ATP1B3: variants seen among roughly 807,000 people sequenced by gnomAD.
The protein encoded by ATP1B3 is ATPase Na+/K+ transporting subunit beta 3, also known as sodium/potassium-transporting ATPase subunit beta-3.
ATP1B3 carries 10 observed loss-of-function variants against 30.2 expected under a neutral mutation model. The ratio of observed to expected loss-of-function variants is 0.33; its 90% CI spans 0.20 to 0.56. ATP1B3 has a LOEUF of 0.56. ATP1B3 is among the 20% of genes least tolerant of loss of function. ATP1B3 has a pLI of 0.90. For missense variants in ATP1B3, 238 were observed against 336.7 expected, an observed-to-expected ratio of 0.71 and a Z score of 2.29; for synonymous variants, 113 against 117.0, an observed-to-expected ratio of 0.97 and a Z score of 0.22.
At chr3:141,877,349 G>T (rs897534985) in intron 1 of ATP1B3, among the ~76,000 whole-genome samples, 2 of 152,042 alleles carry the variant, frequency 1.3e-5, no homozygotes, top group Non-Finnish European at 2.9e-5. Context: ...GTTCGGAGAA[G>T]CCAGACCCTG....
Position 141,889,747 on chromosome 3 carries a change from A to AT in ATP1B3, c.109+12837_109+12838insT, listed in dbSNP as rs1273440885. 2.1e-3 allele frequency among the ~76,000 whole-genome samples: 168 copies of AT among 78,468 alleles called. 9 individuals carry two copies. Among genetic ancestry groups the AT allele is most frequent in the African/African-American group, 6.5e-3 (112 of 17,338 alleles). The allele number at this position is 78,468 out of a possible 152,430, so 51.5% of individuals were successfully genotyped here. On this transcript the variant is annotated intron_variant, in intron 1 of 6. Coordinates refer to ENST00000286371, the MANE Select transcript of ATP1B3 (RefSeq NM_001679.4). ...CCGTCTCAAAAAAAAAAAAAAAAAA[A>AT]AAAATATATACACACACACACACAC... is the stretch of plus-strand genomic sequence containing the variant.
chr3:141,893,969 C>T (rs528577250), intron 1 of ATP1B3, among the ~76,000 whole-genome samples: 1 of 152,226 alleles, frequency 6.6e-6, no homozygotes, highest in African/African-American at 2.4e-5. Context: ...ACATATAGGC[C>T]ATATGGTATA....
At chr3:141,924,477 T>C (rs1489137137) in intron 6 of ATP1B3, among the ~76,000 whole-genome samples, 2 of 151,214 alleles carry the variant, frequency 1.3e-5, no homozygotes, top group South Asian at 2.1e-4. Context: ...GGCAAAGCCC[T>C]GTCTCTACTA....
At chr3:141,897,638 G>A (rs1175303483) in intron 1 of ATP1B3, among the ~76,000 whole-genome samples, 1 of 152,120 alleles carries the variant, frequency 6.6e-6, no homozygotes, top group Admixed American at 6.6e-5. Flanking sequence ...TAAAATGTGA[G>A]AGTGTGTGTA....
At chr3:141,900,126 T>TA (rs1934134733) in intron 1 of ATP1B3, among the ~76,000 whole-genome samples, 1 of 152,028 alleles carries the variant, frequency 6.6e-6, no homozygotes, top group African/African-American at 2.4e-5. Context: ...GTGTCTTTAT[T>TA]ATGCTAATGA....
At chr3:141,918,649 G>C (rs946394125) in intron 5 of ATP1B3, 1 of 152,110 alleles carries the variant, frequency 6.6e-6, no homozygotes, top group Non-Finnish European at 1.5e-5. Context: ...ATGTTGGCCA[G>C]GATGGTCTCG....
intron 6 of ATP1B3, 58 bp downstream of exon 6, chr3:141,922,121 T>C: frequency 6.7e-6 from 7 of 1,039,358 alleles, no homozygotes; most frequent in Non-Finnish European, 1.0e-5. Flanking sequence ...GGAGCATGTG[T>C]TGACGTACCA....
intron 1 of ATP1B3, among the ~76,000 whole-genome samples, chr3:141,889,303 A>G (rs1212600650): frequency 6.6e-6 from 1 of 152,132 alleles, no homozygotes; most frequent in Non-Finnish European, 1.5e-5. Flanking sequence ...ACTATAGAAT[A>G]TATATATTTC....
intron 1 of ATP1B3, among the ~76,000 whole-genome samples, chr3:141,900,551 G>C (rs964621474): frequency 1.3e-5 from 2 of 152,128 alleles, no homozygotes; most frequent in Non-Finnish European, 2.9e-5. Context: ...AGGGTGCAGT[G>C]GAAACCTCCT....
chr3:141,886,848 A>T (rs1347974322), intron 1 of ATP1B3, among the ~76,000 whole-genome samples: 1 of 152,178 alleles, frequency 6.6e-6, no homozygotes, highest in Admixed American at 6.5e-5. Context: ...AAATAATTTT[A>T]AAAAATTAGC....
chr3:141,894,108 T>C (rs372633700), intron 1 of ATP1B3, among the ~76,000 whole-genome samples: 56 of 152,286 alleles, frequency 3.7e-4, no homozygotes, highest in African/African-American at 1.3e-3. Context: ...AAAAATACCA[T>C]GTAAACATAA....
At chr3:141,920,920 C>T (rs192042759) in intron 5 of ATP1B3, among the ~76,000 whole-genome samples, 56 of 152,204 alleles carry the variant, frequency 3.7e-4, no homozygotes, top group African/African-American at 1.3e-3. Context: ...GCTGTCTGGC[C>T]GGTGCCTTTC....
chr3:141,877,826 TA>T (rs1174285289), intron 1 of ATP1B3, among the ~76,000 whole-genome samples: 5 of 122,550 alleles, frequency 4.1e-5, no homozygotes, highest in Admixed American at 8.0e-5. Flanking sequence ...GAATGCAGGC[TA>T]GAGCTTTTTT....
At chr3:141,899,517 C>A (rs1230662453) in intron 1 of ATP1B3, among the ~76,000 whole-genome samples, 1 of 152,098 alleles carries the variant, frequency 6.6e-6, no homozygotes, top group Non-Finnish European at 1.5e-5. Flanking sequence ...TTTCCAGGCC[C>A]TCATGAAGCC....
chr3:141,924,772 T>C (rs1189402590), intron 6 of ATP1B3, among the ~76,000 whole-genome samples: 1 of 151,790 alleles, frequency 6.6e-6, no homozygotes, highest in Non-Finnish European at 1.5e-5. Flanking sequence ...CTGGCCAACA[T>C]GGTGAAACCC....
At chr3:141,878,570 G>A (rs147799529) in intron 1 of ATP1B3, among the ~76,000 whole-genome samples, 1 of 152,276 alleles carries the variant, frequency 6.6e-6, no homozygotes, top group East Asian at 1.9e-4. Flanking sequence ...ACTGCAGATA[G>A]TGCTCTTCAA....
intron 1 of ATP1B3, among the ~76,000 whole-genome samples, chr3:141,901,645 G>A (rs1357780834): frequency 1.3e-5 from 2 of 152,084 alleles, no homozygotes; most frequent in Non-Finnish European, 2.9e-5. Context: ...TTGTGTAATA[G>A]TTCCTTAGAA....
intron 1 of ATP1B3, among the ~76,000 whole-genome samples, chr3:141,884,327 A>G (rs1933790611): frequency 1.3e-5 from 2 of 152,168 alleles, no homozygotes; most frequent in Admixed American, 6.5e-5. Flanking sequence ...TGGTTTTTGC[A>G]TGTTGGCAGT....
intron 3 of ATP1B3, among the ~76,000 whole-genome samples, chr3:141,912,155 C>T (rs924125813): frequency 6.6e-6 from 1 of 152,150 alleles, no homozygotes; most frequent in Non-Finnish European, 1.5e-5. Flanking sequence ...CCCACAGTAA[C>T]CTAGTTTCTG....
Sources: gnomAD v4.1 joint callset for allele counts (sites outside exome capture counted in the v4.1 genomes callset) on GRCh38, gnomAD v4.1.1 for gene constraint, MANE v1.5 for transcripts, NCBI Gene and HGNC (gene_info 2026-07-23, HGNC 2026-07-21) for gene names.